The following RPL3 variants were observed in gnomAD, a reference collection of about 807,000 sequenced individuals.
RPL3 encodes ribosomal protein L3.
In RPL3, 3 loss-of-function variants were observed where a neutral mutation model predicts 46.0. That is an observed-to-expected ratio of 0.07 (90% CI 0.03 to 0.17). The LOEUF (loss-of-function observed/expected upper bound fraction) is 0.17. Ranked by LOEUF, RPL3 falls within the 10% of genes least tolerant of loss-of-function variation. The pLI is 1.00. For missense variants in RPL3, 387 were observed against 532.7 expected (o/e 0.73, Z 2.69); for synonymous variants, 224 against 190.8 (o/e 1.17, Z -1.43).
intron 4 of RPL3, among the ~76,000 whole-genome samples, chr22:39,316,222 A>C (rs1922679846): frequency 7.4e-6 from 1 of 135,380 alleles, no homozygotes; most frequent in African/African-American, 2.8e-5. Context: ...CTGGGCAACA[A>C]GAACGAAATT....
chr22:39,315,859 C>T (rs1785112242), intron 4 of RPL3, among the ~76,000 whole-genome samples: 1 of 152,192 alleles, frequency 6.6e-6, no homozygotes, highest in African/African-American at 2.4e-5. Flanking sequence ...GGGTCAGTTC[C>T]TTTTGGGGTA....
Position 39,318,545 on chromosome 22 carries a change from C to A in RPL3, c.51G>T (p.Leu17=). The A allele has an allele frequency of 6.2e-7, 1 of 1,613,294 alleles. No individual in the cohort carries two copies. The highest frequency in any genetic ancestry group is 8.5e-7 in the Non-Finnish European group (1 of 1,179,652). ...SAPRHGSLGF[L]PRKRSSRHRG... ...GATGCCTGCTGCTGCGCTTCCGAGG[C>A]AGGAAGCCGAGGGACCCATGTCTGG... Residue 17 remains leucine, a synonymous_variant, in exon 2 of 10, where the codon CTG becomes CTT. Coordinates refer to ENST00000216146, the MANE Select transcript of RPL3 (RefSeq NM_000967.4).
At position 39,319,445 on chromosome 22, in the gene RPL3, G is replaced by A. The variant is rs889042524; in HGVS notation, c.3+150C>T. ...TCTTCACAAGCCTCTCGACTTTCCA[G>A]AAAATAGGCCAGACTGAAGTCCCCG... On this transcript the variant is annotated intron_variant, in intron 1 of 9. Transcript: ENST00000216146. 1.8e-5 allele frequency: 20 copies of A among 1,122,272 alleles called. No individual in the cohort carries two copies. The East Asian group carries it at 3.1e-4, about 18-fold the overall frequency. The allele number at this position is 1,122,272 out of a possible 1,614,324, so 69.5% of individuals were successfully genotyped here.
intron 5 of RPL3, 151 bp downstream of exon 5, chr22:39,315,218 T>G (rs1453941342): frequency 8.8e-7 from 1 of 1,138,946 alleles, no homozygotes; most frequent in East Asian, 2.3e-5. Flanking sequence ...ACAAGGCTGT[T>G]CTCAGAAGGA....
chr22:39,314,283 AAAGCACGCTAG>A, intron 6 of RPL3, 75 bp from the exon 7 acceptor site: 1 of 1,236,014 alleles, frequency 8.1e-7, no homozygotes, highest in East Asian at 2.3e-5. Context: ...GCTGACCTGC[AAAGCACGCTAG>A]AAGGCAGCTG....
intron 5 of RPL3, 123 bp downstream of exon 5, chr22:39,315,246 T>A: frequency 7.4e-7 from 1 of 1,347,028 alleles, no homozygotes; most frequent in Non-Finnish European, 1.1e-6. Context: ...AGAGAATGGT[T>A]CTACACTGTC....
chr22:39,314,053 C>A, intron 7 of RPL3, 54 bp downstream of exon 7: 1 of 1,503,584 alleles, frequency 6.7e-7, no homozygotes, highest in South Asian at 1.1e-5. Flanking sequence ...GCAGCCTATC[C>A]CCAAAAGCAC....
chr22:39,319,020 A>C (rs371854988), intron 1 of RPL3: 1 of 538,496 alleles, frequency 1.9e-6, no homozygotes, highest in East Asian at 5.4e-5. Context: ...AATTACACTG[A>C]TACACACAGG....
chr22:39,314,259 A>T (rs189913730), intron 6 of RPL3, 51 bp from the exon 7 acceptor site: 1 of 1,500,756 alleles, frequency 6.7e-7, no homozygotes, highest in African/African-American at 1.4e-5. Flanking sequence ...CAAATAACCC[A>T]GACATGCCAG....
rs61737787 is a variant in RPL3 at position 39,315,490 on chromosome 22, A to G, written c.567T>C (p.Thr189=). The change falls in exon 5 of 10, where the codon ACT becomes ACC. Residue 189 remains threonine, a synonymous_variant. Coordinates refer to ENST00000216146, the MANE Select transcript of RPL3 (RefSeq NM_000967.4). ...GGGCCCAGTCCAGCTTCTCGGCCAC[A>G]GTGCCTCCGTTCACCTGGATCTCCA... ...HLMEIQVNGG[T]VAEKLDWARE... is the part of the protein sequence containing the mutation. 9.2e-4 allele frequency: 1,491 copies of G among 1,614,110 alleles called. 18 individuals are homozygous for G. In the African/African-American group the frequency reaches 0.017, roughly 18 times the overall value.
chr22:39,314,494 C>CA (rs1326189033), intron 6 of RPL3, 192 bp downstream of exon 6: 1 of 693,804 alleles, frequency 1.4e-6, no homozygotes, highest in Non-Finnish European at 2.3e-6. Context: ...GTCAGCCCCA[C>CA]CACAGCCACT....
At chr22:39,313,523 T>G (rs1182326742) in intron 8 of RPL3, 111 bp downstream of exon 8, 5 of 1,258,554 alleles carry the variant, frequency 4.0e-6, no homozygotes, top group Non-Finnish European at 5.6e-6. Flanking sequence ...GTGAAAGGAC[T>G]GCCAACACCC....
In RPL3 at chr22:39,315,015, G is replaced by C. The variant is rs149076497; in HGVS notation, c.689-169C>G. On this transcript the variant is annotated intron_variant, in intron 5 of 9. Transcript: ENST00000216146. ...GTCAAGCTGGATAGGCTCTGGGGGT[G>C]TCACCCTGAACTCAATTCTGAATGG... The C allele has an allele frequency of 7.1e-4, 681 of 958,098 alleles. 5 individuals are homozygous for C. In the East Asian group the frequency reaches 0.012, roughly 17 times the overall value. 59.3% of individuals were successfully genotyped at this position (958,098 alleles called of 1,614,324 possible). A position where few individuals can be genotyped will look rare whatever the true frequency, so the allele number is the denominator to read the frequency against.
intron 8 of RPL3, 151 bp from the exon 9 acceptor site, chr22:39,313,461 G>A (rs1427464816): frequency 9.0e-6 from 12 of 1,331,536 alleles, no homozygotes; most frequent in Middle Eastern, 2.0e-4. Context: ...GCAGCAAACA[G>A]CCCAGCAAGG....
chr22:39,315,366 C>T lies in RPL3; in HGVS notation c.688+3G>A. 6.2e-7 allele frequency: 1 copy of T among 1,614,084 alleles called. No homozygotes were observed. The highest frequency in any genetic ancestry group is 8.5e-7 in the Non-Finnish European group (1 of 1,180,042). On this transcript the variant is annotated splice_donor_region_variant and intron_variant, in intron 5 of 9. Coordinates refer to ENST00000216146, the MANE Select transcript of RPL3 (RefSeq NM_000967.4). ...CAGCAACTCAAGCCACCGCAAAGCT[C>T]ACCTTTGTAGCCTTTGCCCTTGGTC...
At chr22:39,314,933 G>A (rs901920862) in intron 5 of RPL3, 87 bp from the exon 6 acceptor site, 6 of 1,541,680 alleles carry the variant, frequency 3.9e-6, no homozygotes, top group African/African-American at 1.4e-5. Flanking sequence ...AACCATGGCT[G>A]GGTCATCTGA....
intron 4 of RPL3, among the ~76,000 whole-genome samples, chr22:39,316,288 C>A (rs923960215): frequency 6.6e-6 from 1 of 151,824 alleles, no homozygotes; most frequent in African/African-American, 2.4e-5. Flanking sequence ...TCAAGGACAG[C>A]CTGGCAATGT....
At chr22:39,316,650 A>G (rs1922711629) in intron 4 of RPL3, 56 bp downstream of exon 4, 1 of 1,609,500 alleles carries the variant, frequency 6.2e-7, no homozygotes, top group African/African-American at 1.3e-5. Flanking sequence ...CCCCATGATC[A>G]CATAGGTCAC....
intron 2 of RPL3, chr22:39,317,885 G>A (rs936481633): frequency 6.3e-5 from 31 of 490,590 alleles, no homozygotes; most frequent in Non-Finnish European, 9.5e-5. Context: ...ACCTCTGGAG[G>A]CAGACAAGAT....
Sources: gnomAD v4.1 joint callset for allele counts (sites outside exome capture counted in the v4.1 genomes callset) on GRCh38, gnomAD v4.1.1 for gene constraint, MANE v1.5 for transcripts, NCBI Gene and HGNC (gene_info 2026-07-23, HGNC 2026-07-21) for gene names.